PLEKHM3: variants seen among roughly 807,000 people sequenced by gnomAD.
The protein encoded by PLEKHM3 is pleckstrin homology domain-containing family M member 3.
In PLEKHM3, 45 loss-of-function variants were observed where a neutral mutation model predicts 81.8. The ratio of observed to expected loss-of-function variants is 0.55; its 90% confidence interval spans 0.43 to 0.71. The LOEUF is 0.71. Ranked by LOEUF, PLEKHM3 falls within the 30% of genes least tolerant of loss-of-function variation. The pLI is 0.00. For missense variants in PLEKHM3, 788 were observed against 924.3 expected (o/e 0.85, Z 1.91); for synonymous variants, 352 against 356.4 (o/e 0.99, Z 0.14).
intron 5 of PLEKHM3, among the ~76,000 whole-genome samples, chr2:207,916,252 T>C (rs1688989508): frequency 1.3e-5 from 2 of 152,180 alleles, no homozygotes; most frequent in Non-Finnish European, 2.9e-5. Context: ...TTAAGTTTCT[T>C]AGCCACAATC....
chr2:207,853,725 C>T (rs7603823), intron 7 of PLEKHM3, among the ~76,000 whole-genome samples: 48,998 of 151,828 alleles, frequency 0.32, 8,060 homozygotes, highest in Middle Eastern at 0.37. Context: ...CCTAGCAAGT[C>T]GCCAAACAAA....
intron 7 of PLEKHM3, among the ~76,000 whole-genome samples, chr2:207,859,376 G>C (rs2092455109): frequency 6.6e-6 from 1 of 151,850 alleles, no homozygotes; most frequent in African/African-American, 2.4e-5. Flanking sequence ...AATCTCAGGT[G>C]ATCTGCCTGC....
At chr2:207,946,637 G>T in intron 3 of PLEKHM3, 125 bp from the exon 4 acceptor site, 2 of 1,281,190 alleles carry the variant, frequency 1.6e-6, no homozygotes, top group Non-Finnish European at 2.1e-6. Context: ...CAACAAAAAA[G>T]AAGTTACAGA....
chr2:207,890,190 A>G (rs1688018077), intron 6 of PLEKHM3, among the ~76,000 whole-genome samples: 1 of 152,240 alleles, frequency 6.6e-6, no homozygotes. Context: ...TAAATTATAG[A>G]GCATCCTAGA....
At chr2:207,832,661 G>A (rs2092295026) in intron 7 of PLEKHM3, among the ~76,000 whole-genome samples, 2 of 151,902 alleles carry the variant, frequency 1.3e-5, no homozygotes, top group South Asian at 2.1e-4. Context: ...GTGTGGTGGT[G>A]TGTGCCTGTA....
intron 5 of PLEKHM3, 107 bp from the exon 6 acceptor site, chr2:207,908,684 C>T (rs1688706265): frequency 4.3e-6 from 4 of 930,576 alleles, no homozygotes; most frequent in Non-Finnish European, 6.5e-6. Context: ...GCCCTGTCCA[C>T]TTTCCACCTA....
intron 1 of PLEKHM3, among the ~76,000 whole-genome samples, chr2:208,012,443 C>G (rs1208925973): frequency 6.6e-6 from 1 of 152,196 alleles, no homozygotes; most frequent in Non-Finnish European, 1.5e-5. Context: ...TTCCTCAAAT[C>G]CTTGTCTAAT....
intron 1 of PLEKHM3, among the ~76,000 whole-genome samples, chr2:208,016,668 A>ATACACACACACACACACACACAC (rs11436592): frequency 1.3e-3 from 83 of 61,558 alleles, no homozygotes; most frequent in Non-Finnish European, 1.6e-3. Flanking sequence ...AAAAAAAAAA[A>ATACACACACACACACACACACAC]ATACACACAC....
intron 7 of PLEKHM3, among the ~76,000 whole-genome samples, chr2:207,836,065 G>A (rs1171705903): frequency 6.6e-6 from 1 of 152,202 alleles, no homozygotes; most frequent in Non-Finnish European, 1.5e-5. Flanking sequence ...ATGCTCTTGT[G>A]AGCACTCCTA....
chr2:207,887,521 CA>C (rs889388105), intron 6 of PLEKHM3, among the ~76,000 whole-genome samples: 2 of 152,142 alleles, frequency 1.3e-5, no homozygotes, highest in African/African-American at 4.8e-5. Context: ...TTGGAGTAAA[CA>C]ACAGAATTAA....
chr2:207,946,512 C>T lies in PLEKHM3; in HGVS notation c.1547G>A (p.Gly516Asp). Residue 516 changes from glycine to aspartate, a missense_variant and splice_region_variant, in exon 4 of 8, where the codon GGC (glycine) becomes GAC (aspartate). Physicochemically the swap from Gly to Asp is moderately conservative, Grantham distance 94. Coordinates refer to ENST00000427836, the MANE Select transcript of PLEKHM3 (RefSeq NM_001080475.3). ...GLTAQSFKCA[G>D]CQRSIGLSNG... Reference sequence around the variant, plus strand: ...GGAAAGACCTATGGATCGCTGGCAGCCTGTTCAAGGAAAAAGGAAGAGTCT... The same window carrying T: ...GGAAAGACCTATGGATCGCTGGCAGTCTGTTCAAGGAAAAAGGAAGAGTCT... 6.2e-7 allele frequency: 1 copy of T among 1,613,048 alleles called. No individual in the cohort carries two copies. Among genetic ancestry groups the T allele is most frequent in the Non-Finnish European group, 8.5e-7 (1 of 1,179,572 alleles).
At chr2:207,947,652 TC>T (rs66740057) in intron 3 of PLEKHM3, among the ~76,000 whole-genome samples, 30,312 of 152,040 alleles carry the variant, frequency 0.2, 3,566 homozygotes, top group Middle Eastern at 0.33. Context: ...ATCAAAGAGA[TC>T]TCGCACTAAG....
intron 6 of PLEKHM3, among the ~76,000 whole-genome samples, chr2:207,879,966 G>T (rs1327046978): frequency 6.6e-6 from 1 of 152,146 alleles, no homozygotes; most frequent in Admixed American, 6.5e-5. Flanking sequence ...CTCTCAACTT[G>T]TCAGGAAGTG....
chr2:208,003,013 A>G (rs1280958768), intron 1 of PLEKHM3, among the ~76,000 whole-genome samples: 1 of 152,162 alleles, frequency 6.6e-6, no homozygotes, highest in African/African-American at 2.4e-5. Context: ...ATATATTGAC[A>G]TGGTTTGGTT....
intron 4 of PLEKHM3, among the ~76,000 whole-genome samples, chr2:207,933,378 G>A (rs2105945023): frequency 6.6e-6 from 1 of 152,320 alleles, no homozygotes; most frequent in Non-Finnish European, 1.5e-5. Context: ...TATTTATCAT[G>A]ATTAAATATT....
intron 6 of PLEKHM3, among the ~76,000 whole-genome samples, chr2:207,868,387 G>A (rs566277141): frequency 1.5e-3 from 232 of 152,172 alleles, no homozygotes; most frequent in African/African-American, 5.4e-3. Context: ...GCTGGCCTTC[G>A]GGAGCTTTCC....
At chr2:207,913,463 T>G (rs2105908961) in intron 5 of PLEKHM3, among the ~76,000 whole-genome samples, 1 of 151,616 alleles carries the variant, frequency 6.6e-6, no homozygotes, top group Non-Finnish European at 1.5e-5. Context: ...AAGGAGAGAA[T>G]TTCATGAAGG....
chr2:207,912,260 C>T (rs1419897915), intron 5 of PLEKHM3, among the ~76,000 whole-genome samples: 1 of 152,228 alleles, frequency 6.6e-6, no homozygotes, highest in Non-Finnish European at 1.5e-5. Context: ...ATTATTTGTA[C>T]AGCACAGCTA....
chr2:207,904,367 G>A lies in PLEKHM3; in HGVS notation c.1950+4147C>T, dbSNP rs562279071. The stretch of plus-strand genomic sequence containing the variant: ...CCTAGGATCTGGAGAGCCTCTGCCT[G>A]TGTCTTATGCTTCTTCCTTGGCCCT... On this transcript the variant is annotated intron_variant, in intron 6 of 7. Coordinates refer to ENST00000427836, the MANE Select transcript of PLEKHM3 (RefSeq NM_001080475.3). Among the ~76,000 whole-genome samples, 4 of 152,278 alleles carry A rather than the reference G, an allele frequency of 2.6e-5. No individual in the cohort carries two copies. The East Asian group carries it at 7.7e-4, about 29-fold the overall frequency.
Sources: allele counts gnomAD v4.1 joint callset (sites outside exome capture counted in the v4.1 genomes callset), GRCh38; gene constraint gnomAD v4.1.1; transcripts MANE v1.5; gene names NCBI Gene and HGNC (gene_info 2026-07-23, HGNC 2026-07-21).